BBS9: variants seen among roughly 807,000 people sequenced by gnomAD.
The protein encoded by BBS9 is Bardet-Biedl syndrome 9.
In BBS9, 89 loss-of-function variants were observed where a neutral mutation model predicts 117.7. The ratio of observed to expected loss-of-function variants is 0.76; its 90% confidence interval spans 0.64 to 0.90. The LOEUF (loss-of-function observed/expected upper bound fraction) is 0.90, where lower values mean the gene tolerates loss of function less well. Among genes scored for constraint, BBS9 ranks in the 40% least tolerant of loss-of-function variants. BBS9 has a pLI of 0.00. For synonymous variants in BBS9, 379 were observed against 370.9 expected (o/e 1.02, Z -0.25); for missense variants, 982 against 1,042.2 (o/e 0.94, Z 0.80).
At chr7:33,345,778 A>G (rs1817479629) in intron 12 of BBS9, among the ~76,000 whole-genome samples, 1 of 152,208 alleles carries the variant, frequency 6.6e-6, no homozygotes, top group Non-Finnish European at 1.5e-5. Context: ...CCTCTTTTAA[A>G]TCTATCTACT....
At chr7:33,575,139 A>G (rs573226603) in intron 21 of BBS9, among the ~76,000 whole-genome samples, 1 of 152,192 alleles carries the variant, frequency 6.6e-6, no homozygotes, top group African/African-American at 2.4e-5. Context: ...ATGATTTAAA[A>G]AAAGATATTC....
chr7:33,595,780 A>G (rs146381192), intron 21 of BBS9, among the ~76,000 whole-genome samples: 29 of 152,254 alleles, frequency 1.9e-4, no homozygotes, highest in Middle Eastern at 3.4e-3. Context: ...CCCAAAACCC[A>G]TCAGTGATAG....
intron 19 of BBS9, among the ~76,000 whole-genome samples, chr7:33,503,873 C>T (rs1845795050): frequency 6.6e-6 from 1 of 152,012 alleles, no homozygotes; most frequent in African/African-American, 2.4e-5. Flanking sequence ...TTCGAGGGGA[C>T]TTCTTGAAGT....
At chr7:33,269,233 T>G (rs1389760464) in intron 7 of BBS9, among the ~76,000 whole-genome samples, 2 of 152,252 alleles carry the variant, frequency 1.3e-5, no homozygotes, top group Non-Finnish European at 1.5e-5. Flanking sequence ...TTGTCTTTAA[T>G]GTGACTTTTC....
At chr7:33,353,841 C>T (rs567479530) in intron 15 of BBS9, among the ~76,000 whole-genome samples, 13 of 151,774 alleles carry the variant, frequency 8.6e-5, no homozygotes, top group Admixed American at 1.3e-4. Flanking sequence ...TAGAAGTAAA[C>T]GATTAGCTTA....
At chr7:33,441,537 A>G (rs959331861) in intron 19 of BBS9, among the ~76,000 whole-genome samples, 1 of 152,192 alleles carries the variant, frequency 6.6e-6, no homozygotes, top group Non-Finnish European at 1.5e-5. Flanking sequence ...TACTACATAA[A>G]TTATGTCTAT....
At chr7:33,144,962 C>T (rs1465585988) in intron 1 of BBS9, among the ~76,000 whole-genome samples, 1 of 152,124 alleles carries the variant, frequency 6.6e-6, no homozygotes, top group Non-Finnish European at 1.5e-5. Flanking sequence ...GTTAGTTCAG[C>T]CTGAGTTCTA....
intron 21 of BBS9, among the ~76,000 whole-genome samples, chr7:33,611,801 T>G (rs1051406324): frequency 2.8e-5 from 4 of 140,802 alleles, no homozygotes; most frequent in Non-Finnish European, 6.1e-5. Context: ...ATGGTATATA[T>G]TATACCTTAA....
intron 15 of BBS9, among the ~76,000 whole-genome samples, chr7:33,354,009 G>A (rs191293499): frequency 2.1e-4 from 32 of 152,034 alleles, no homozygotes; most frequent in African/African-American, 7.7e-4. Flanking sequence ...TAAATGATTA[G>A]TTTTAAGTTT....
rs1221438800 is a variant in BBS9, at chr7:33,359,343, A to T, written c.1693+1348A>T. On this transcript the variant is annotated intron_variant, in intron 16 of 22. Transcript: ENST00000242067. ...GCAACCCAATTAGAATTGAATAAAA[A>T]CACATGCCTTTGAGCAGAAAGGTAA... Among the ~76,000 whole-genome samples, 3 of 152,006 alleles carry T rather than the reference A, an allele frequency of 2.0e-5. 1 individual carries two copies. Among genetic ancestry groups the T allele is most frequent in the Non-Finnish European group, 4.4e-5 (3 of 67,918 alleles).
At chr7:33,595,778 C>T (rs1862651973) in intron 21 of BBS9, among the ~76,000 whole-genome samples, 1 of 152,066 alleles carries the variant, frequency 6.6e-6, no homozygotes, top group Non-Finnish European at 1.5e-5. Context: ...AACCCAAAAC[C>T]CATCAGTGAT....
At chr7:33,258,903 C>G (rs1446910483) in intron 6 of BBS9, among the ~76,000 whole-genome samples, 1 of 152,094 alleles carries the variant, frequency 6.6e-6, no homozygotes, top group East Asian at 1.9e-4. Flanking sequence ...TGTGGTAAGT[C>G]TCCAACATAC....
At chr7:33,572,765 CT>C (rs1416778248) in intron 21 of BBS9, among the ~76,000 whole-genome samples, 1 of 151,924 alleles carries the variant, frequency 6.6e-6, no homozygotes, top group African/African-American at 2.4e-5. Flanking sequence ...TCTGTTCAAT[CT>C]TTTACCCATT....
At chr7:33,494,859 T>A (rs975936909) in intron 19 of BBS9, among the ~76,000 whole-genome samples, 8 of 152,182 alleles carry the variant, frequency 5.3e-5, no homozygotes, top group Non-Finnish European at 1.0e-4. Context: ...AATGTTCCAA[T>A]AGCCTGTGAT....
chr7:33,462,394 G>C (rs1163250483), intron 19 of BBS9, among the ~76,000 whole-genome samples: 1 of 152,052 alleles, frequency 6.6e-6, no homozygotes, highest in Non-Finnish European at 1.5e-5. Context: ...TAATATAGTT[G>C]AGACGTGGCA....
At chr7:33,630,890 G>C (rs1316221581) in intron 21 of BBS9, among the ~76,000 whole-genome samples, 1 of 152,180 alleles carries the variant, frequency 6.6e-6, no homozygotes, top group Non-Finnish European at 1.5e-5. Flanking sequence ...ACTGTGCTTA[G>C]TGTTGGGGAT....
intron 21 of BBS9, among the ~76,000 whole-genome samples, chr7:33,564,641 A>G (rs2129123504): frequency 6.6e-6 from 1 of 152,328 alleles, no homozygotes; most frequent in Admixed American, 6.5e-5. Flanking sequence ...AAACTGCGAT[A>G]GAAGATTACA....
At chr7:33,234,084 C>T (rs1352861588) in intron 5 of BBS9, among the ~76,000 whole-genome samples, 1 of 152,158 alleles carries the variant, frequency 6.6e-6, no homozygotes, top group Admixed American at 6.5e-5. Flanking sequence ...GTAGCCTTCT[C>T]AATGATCACA....
intron 5 of BBS9, among the ~76,000 whole-genome samples, chr7:33,180,001 A>G (rs2128168863): frequency 6.6e-6 from 1 of 152,266 alleles, no homozygotes; most frequent in Admixed American, 6.5e-5. Flanking sequence ...AGTAGTTCAC[A>G]TCTGTTCCCC....
Sources: gnomAD v4.1 joint callset for allele counts (sites outside exome capture counted in the v4.1 genomes callset) on GRCh38, gnomAD v4.1.1 for gene constraint, MANE v1.5 for transcripts, NCBI Gene and HGNC (gene_info 2026-07-23, HGNC 2026-07-21) for gene names.